USP29: variants seen among roughly 807,000 people sequenced by gnomAD.
The protein encoded by USP29 is ubiquitin carboxyl-terminal hydrolase 29.
For synonymous variants in USP29, 386 were observed against 387.4 expected, an observed-to-expected ratio of 1.00 and a Z score of 0.04; for missense variants, 1,102 against 1,069.0, an observed-to-expected ratio of 1.03 and a Z score of -0.43.
chr19:57,125,400 A>AGCCTCT (rs1414715684), intron 3 of USP29, among the ~76,000 whole-genome samples: 1 of 152,152 alleles, frequency 6.6e-6, no homozygotes, highest in Non-Finnish European at 1.5e-5. Context: ...TGGGAGTCTA[A>AGCCTCT]GCCTCTTTGT....
intron 1 of USP29, among the ~76,000 whole-genome samples, chr19:57,121,250 G>A (rs1568453818): frequency 6.8e-6 from 1 of 147,338 alleles, no homozygotes; most frequent in African/African-American, 2.5e-5. Context: ...GAAAATGTAG[G>A]ATATATATGT....
intron 1 of USP29, among the ~76,000 whole-genome samples, chr19:57,121,585 G>A (rs1653209482): frequency 6.9e-6 from 1 of 144,286 alleles, no homozygotes. Flanking sequence ...TTATATGTAT[G>A]TTATATATAC....
Position 57,129,554 on chromosome 19 carries a change from C to CT in USP29, c.880dup (p.Cys294LeufsTer18), listed in dbSNP as rs768293336. Reference sequence around the variant, plus strand: ...AGGGGTTCCCCAATTTGGGAAACACCTGTTACATGAATGCAGTTTTACAAT... The same window carrying CT: ...AGGGGTTCCCCAATTTGGGAAACACCTTGTTACATGAATGCAGTTTTACAAT... On this transcript the variant is annotated frameshift_variant, in exon 4 of 4. Transcript: ENST00000254181. LOFTEE classifies it low-confidence loss of function (END_TRUNC). 1 of 1,614,208 alleles carries CT rather than the reference C, an allele frequency of 6.2e-7. No homozygotes were observed.
At position 57,130,078 on chromosome 19, in the gene USP29, C is replaced by G; in HGVS notation, c.1403C>G (p.Ser468Cys). 1 of 1,613,488 alleles carries G rather than the reference C, an allele frequency of 6.2e-7. No homozygotes were observed. Among genetic ancestry groups the G allele is most frequent in the East Asian group, 2.2e-5 (1 of 44,868 alleles). The change falls in exon 4 of 4, where the codon TCC (serine) becomes TGC (cysteine). Residue 468 changes from serine (S) to cysteine (C), a missense_variant. Coordinates refer to ENST00000254181, the MANE Select transcript of USP29 (RefSeq NM_020903.3). ...LHQETKPLPLSIQNSLDLFFK... is the reference protein window; with the variant it reads ...LHQETKPLPLCIQNSLDLFFK... ...CAAGAAACAAAACCACTTCCTTTGTCCATTCAGAATTCTTTAGATCTTTTC... is the reference window on the plus strand; with the variant it reads ...CAAGAAACAAAACCACTTCCTTTGTGCATTCAGAATTCTTTAGATCTTTTC...
intron 3 of USP29, among the ~76,000 whole-genome samples, chr19:57,127,721 G>T (rs1365951743): frequency 6.6e-6 from 1 of 152,196 alleles, no homozygotes; most frequent in Non-Finnish European, 1.5e-5. Context: ...GGCTCCATGG[G>T]AGTGGGACCT....
chr19:57,121,451 T>C (rs1177727279), intron 1 of USP29, among the ~76,000 whole-genome samples: 1 of 145,450 alleles, frequency 6.9e-6, no homozygotes, highest in African/African-American at 2.5e-5. Flanking sequence ...CTTATATATG[T>C]TATATATACT....
In USP29 at chr19:57,130,360, T is replaced by C; in HGVS notation, c.1685T>C (p.Val562Ala). The change falls in exon 4 of 4, where the codon GTC (valine) becomes GCC (alanine). Residue 562 changes from valine to alanine, a missense_variant. Physicochemically the swap from Val to Ala is moderately conservative, Grantham distance 64 (BLOSUM62 0). Coordinates refer to ENST00000254181, the MANE Select transcript of USP29 (RefSeq NM_020903.3). ...SSSAPVGKCE[V>A]LEVSQEMISE... ...AGTGCACCTGTTGGGAAATGTGAAG[T>C]CCTGGAAGTCTCTCAGGAGATGATT... 2 of 1,614,146 alleles carry C rather than the reference T, an allele frequency of 1.2e-6. No homozygotes were observed. Among genetic ancestry groups the C allele is most frequent in the African/African-American group, 1.3e-5 (1 of 75,026 alleles).
At position 57,130,927 on chromosome 19, in the gene USP29, C is replaced by T; in HGVS notation, c.2252C>T (p.Pro751Leu). 6.2e-7 allele frequency: 1 copy of T among 1,614,126 alleles called. No individual in the cohort carries two copies. Among genetic ancestry groups the T allele is most frequent in the Non-Finnish European group, 8.5e-7 (1 of 1,180,016 alleles). ...ATAGATGAATTTCTTCAGCAGGCAC[C>T]ACCTCCAGGTGTTAGGAAGCTGGAT... ...SIIDEFLQQA[P>L]PPGVRKLDAQ... The change falls in exon 4 of 4, where the codon CCA becomes CTA. Residue 751 changes from proline to leucine, a missense_variant. Physicochemically the swap from Pro to Leu is moderately conservative, Grantham distance 98 (BLOSUM62 -3). Transcript: ENST00000254181.
rs548117008 is a variant in USP29 at position 57,128,078 on chromosome 19, G to T, written c.-16-582G>T. 1.2e-3 allele frequency among the ~76,000 whole-genome samples: 179 copies of T among 152,082 alleles called. 1 individual carries two copies. Among genetic ancestry groups the T allele is most frequent in the Non-Finnish European group, 2.2e-3 (151 of 67,982 alleles). On this transcript the variant is annotated intron_variant, in intron 3 of 3. Transcript: ENST00000254181. ...GCAATGCCCCACCCTGCTTCTGCTCGCCCTCCATGGGTTGCACCCACTGCC... is the reference window on the plus strand; with the variant it reads ...GCAATGCCCCACCCTGCTTCTGCTCTCCCTCCATGGGTTGCACCCACTGCC...
At position 57,129,526 on chromosome 19, in the gene USP29, A is replaced by C; in HGVS notation, c.851A>C (p.Gln284Pro). 1 of 1,614,222 alleles carries C rather than the reference A, an allele frequency of 6.2e-7. No homozygotes were observed. The highest frequency in any genetic ancestry group is 8.5e-7 in the Non-Finnish European group (1 of 1,180,034). ...CTTGACTCTCATTCACAGCAACTGC[A>C]GCAGGGGTTCCCCAATTTGGGAAAC... ...VPLDSHSQQLQQGFPNLGNTC... is the reference protein window; with the variant it reads ...VPLDSHSQQLPQGFPNLGNTC... Residue 284 changes from glutamine to proline, a missense_variant, in exon 4 of 4, where the codon CAG becomes CCG. Coordinates refer to ENST00000254181, the MANE Select transcript of USP29 (RefSeq NM_020903.3).
intron 3 of USP29, among the ~76,000 whole-genome samples, chr19:57,128,346 A>G (rs2086834349): frequency 6.6e-6 from 1 of 152,152 alleles, no homozygotes. Context: ...TGCTAAGATT[A>G]CAGGCGTGAG....
chr19:57,120,288 A>G (rs12980671), intron 1 of USP29, 59 bp downstream of exon 1: 89,916 of 148,434 alleles, frequency 0.61, 27,842 homozygotes, highest in East Asian at 0.93. Flanking sequence ...AGCTGAGATC[A>G]TGCCACTGCA....
Position 57,129,930 on chromosome 19 carries a change from G to C in USP29, c.1255G>C (p.Val419Leu). ...GCATGTTGGTAGTGCTGCCACCAAA[G>C]TGTTTGTTTGCCCTGTTGTTGCTAA... ...QMHVGSAATK[V>L]FVCPVVANFE... The change falls in exon 4 of 4, where the codon GTG becomes CTG. Residue 419 changes from valine to leucine, a missense_variant. Transcript: ENST00000254181. The C allele has an allele frequency of 6.2e-7, 1 of 1,614,182 alleles. No individual in the cohort carries two copies.
In USP29 at chr19:57,131,163, AG is replaced by A; in HGVS notation, c.2489del (p.Ser830ThrfsTer63). ...GGCCTACAGACTCATCAGTGTTGTC[AG>A]CCATATCGGGAGCTCCCCAAATTCA... ...LQAYRLISVV[S>X]HIGSSPNSGH... On this transcript the variant is annotated frameshift_variant, in exon 4 of 4. Transcript: ENST00000254181. LOFTEE classifies it low-confidence loss of function (END_TRUNC). The A allele has an allele frequency of 9.9e-6, 16 of 1,614,264 alleles. No homozygotes were observed. Among genetic ancestry groups the A allele is most frequent in the Non-Finnish European group, 1.4e-5 (16 of 1,180,054 alleles).
intron 1 of USP29, among the ~76,000 whole-genome samples, chr19:57,121,407 C>T (rs953347970): frequency 2.8e-5 from 4 of 141,180 alleles, no homozygotes; most frequent in African/African-American, 1.0e-4. Flanking sequence ...ATATGTTATA[C>T]ATACTTATAT....
At position 57,130,510 on chromosome 19, in the gene USP29, A is replaced by G; in HGVS notation, c.1835A>G (p.Asp612Gly). The G allele has an allele frequency of 1.9e-6, 3 of 1,614,150 alleles. No homozygotes were observed. In the East Asian group the frequency reaches 6.7e-5, roughly 36 times the overall value. ...DLQRFQRDCG[D>G]ASQEQHQRDL... ...CAAAGATTCCAGAGAGACTGTGGAGATGCAAGCCAAGAGCAGCATCAGAGA... is the reference window on the plus strand; with the variant it reads ...CAAAGATTCCAGAGAGACTGTGGAGGTGCAAGCCAAGAGCAGCATCAGAGA... The change falls in exon 4 of 4, where the codon GAT becomes GGT. Residue 612 changes from aspartate (D) to glycine (G), a missense_variant. Coordinates refer to ENST00000254181, the MANE Select transcript of USP29 (RefSeq NM_020903.3).
At chr19:57,121,596 TTA>T (rs1340942288) in intron 1 of USP29, among the ~76,000 whole-genome samples, 2 of 146,554 alleles carry the variant, frequency 1.4e-5, no homozygotes, top group East Asian at 3.9e-4. Context: ...TTATATATAC[TTA>T]TATATGTTAT....
rs764089721 is a variant in USP29 at position 57,130,067 on chromosome 19, A to G, written c.1392A>G (p.Pro464=). The G allele has an allele frequency of 6.2e-7, 1 of 1,613,546 alleles. No individual in the cohort carries two copies. The highest frequency in any genetic ancestry group is 2.2e-5 in the East Asian group (1 of 44,874). Residue 464 remains proline (P), a synonymous_variant, in exon 4 of 4, where the codon CCA becomes CCG. Transcript: ENST00000254181. ...TCAACCTGCACCAAGAAACAAAACC[A>G]CTTCCTTTGTCCATTCAGAATTCTT... ...LSINLHQETK[P]LPLSIQNSLD...
In USP29 at chr19:57,130,959, GA is replaced by G. The variant is rs750227318; in HGVS notation, c.2286del (p.Glu762AspfsTer13). On this transcript the variant is annotated frameshift_variant, in exon 4 of 4. Coordinates refer to ENST00000254181, the MANE Select transcript of USP29 (RefSeq NM_020903.3). LOFTEE classifies it low-confidence loss of function (END_TRUNC). ...PPGVRKLDAQ[E>X]HTEETLNQST... ...AGGTGTTAGGAAGCTGGATGCCCAG[GA>G]ACATACAGAAGAGACCCTCAATCAG... 1.7e-5 allele frequency: 28 copies of G among 1,614,044 alleles called. No homozygotes were observed. The highest frequency in any genetic ancestry group is 2.4e-5 in the Non-Finnish European group (28 of 1,180,036).
Sources: allele counts gnomAD v4.1 joint callset (sites outside exome capture counted in the v4.1 genomes callset), GRCh38; gene constraint gnomAD v4.1.1; transcripts MANE v1.5; gene names NCBI Gene and HGNC (gene_info 2026-07-23, HGNC 2026-07-21).